Variants in TFDP1 observed in about 807,000 individuals in gnomAD.
TFDP1 encodes DRTF1-polypeptide 1.
TFDP1 carries 6 observed loss-of-function variants against 48.0 expected under a neutral mutation model. That is an observed-to-expected ratio of 0.13 (90% CI 0.07 to 0.25). The LOEUF is 0.25. Among genes scored for constraint, TFDP1 ranks in the 10% least tolerant of loss-of-function variants. The pLI is 1.00. For synonymous variants in TFDP1, 201 were observed against 211.6 expected, an observed-to-expected ratio of 0.95 and a Z score of 0.44; for missense variants, 335 against 543.0, an observed-to-expected ratio of 0.62 and a Z score of 3.81.
chr13:113,601,716 C>T (rs9577590), intron 2 of TFDP1, among the ~76,000 whole-genome samples: 1 of 152,102 alleles, frequency 6.6e-6, no homozygotes, highest in Non-Finnish European at 1.5e-5. Flanking sequence ...TGGCCAGGTG[C>T]GCGGAAGGTG....
At position 113,607,767 on chromosome 13, in the gene TFDP1, G is replaced by A. The variant is rs377007449; in HGVS notation, c.13-3229G>A. On this transcript the variant is annotated intron_variant, in intron 2 of 11. Transcript: ENST00000375370. This position sits in a 1 kb window ranked among gnomAD's most constrained non-coding sequence, Gnocchi z 5.2. ...GGCTGTGCCAGTGGGTGGCGGTGAC[G>A]GGGGCCAGTGGTTTCCTGGACCTGG... is the stretch of plus-strand genomic sequence containing the variant. 1.3e-5 allele frequency among the ~76,000 whole-genome samples: 2 copies of A among 152,150 alleles called. No individual in the cohort carries two copies. Among genetic ancestry groups the A allele is most frequent in the African/African-American group, 2.4e-5 (1 of 41,438 alleles).
chr13:113,636,171 T>C, intron 9 of TFDP1, 43 bp downstream of exon 9: 1 of 1,606,324 alleles, frequency 6.2e-7, no homozygotes, highest in Non-Finnish European at 8.5e-7. Context: ...ACCCATCTCT[T>C]TTTTAGGGAG....
At chr13:113,614,809 G>T (rs188112264) in intron 3 of TFDP1, among the ~76,000 whole-genome samples, 105 of 152,364 alleles carry the variant, frequency 6.9e-4, no homozygotes, top group Non-Finnish European at 7.3e-5. Context: ...CCATAGTGGG[G>T]CCGTCAGGGC....
At chr13:113,604,512 T>G (rs1388253266) in intron 2 of TFDP1, among the ~76,000 whole-genome samples, 1 of 152,160 alleles carries the variant, frequency 6.6e-6, no homozygotes, top group East Asian at 1.9e-4. Context: ...CCTATTCAGG[T>G]GCTGAGTTTG....
intron 4 of TFDP1, among the ~76,000 whole-genome samples, chr13:113,630,442 C>T (rs567072291): frequency 1.1e-4 from 16 of 152,086 alleles, no homozygotes; most frequent in Non-Finnish European, 8.8e-5. Flanking sequence ...TCAGCTGCTC[C>T]CAGGGCCACC....
chr13:113,637,173 T>C lies in TFDP1; in HGVS notation c.1006+473T>C, dbSNP rs41288606. On this transcript the variant is annotated intron_variant, in intron 10 of 11. Coordinates refer to ENST00000375370, the MANE Select transcript of TFDP1 (RefSeq NM_007111.5). ...AGGAGCTTTTGTTGAAGGAGCTTTT[T>C]TTCTGTTCTGGTGAATTCTTTCCTT... 7.5e-3 allele frequency: 1,318 copies of C among 175,728 alleles called. 6 individuals carry two copies. The highest frequency in any genetic ancestry group is 0.013 in the Non-Finnish European group (1,073 of 82,450). The allele number at this position is 175,728 out of a possible 1,614,324, so 10.9% of individuals were successfully genotyped here. A position where few individuals can be genotyped will look rare whatever the true frequency, so the allele number is the denominator to read the frequency against.
At position 113,611,741 on chromosome 13, in the gene TFDP1, C is replaced by T. The variant is rs549613722; in HGVS notation, c.79+679C>T. Among the ~76,000 whole-genome samples the T allele has an allele frequency of 4.6e-5, 7 of 152,318 alleles. No individual in the cohort carries two copies. In the East Asian group the frequency reaches 9.6e-4, roughly 21 times the overall value. ...CACGCCATTTAGAAGCTTTGATGTG[C>T]GATGCTTGGCCCCTCGTGAGAGGCT... On this transcript the variant is annotated intron_variant, in intron 3 of 11. Transcript: ENST00000375370.
intron 2 of TFDP1, among the ~76,000 whole-genome samples, chr13:113,603,817 AG>A (rs2048498847): frequency 6.6e-6 from 1 of 152,184 alleles, no homozygotes; most frequent in Non-Finnish European, 1.5e-5. Context: ...ACTGGCAGGT[AG>A]GGTTGCATCT....
At position 113,598,146 on chromosome 13, in the gene TFDP1, T is replaced by G. The variant is rs1445976857; in HGVS notation, c.12+12297T>G. Among the ~76,000 whole-genome samples the G allele has an allele frequency of 6.6e-6, 1 of 152,076 alleles. No homozygotes were observed. Among genetic ancestry groups the G allele is most frequent in the South Asian group, 2.1e-4 (1 of 4,822 alleles). On this transcript the variant is annotated intron_variant, in intron 2 of 11. Coordinates refer to ENST00000375370, the MANE Select transcript of TFDP1 (RefSeq NM_007111.5). The surrounding 1 kb of genome is among the most constrained non-coding windows in gnomAD (Gnocchi z 4.2). ...GGTGCCTGGCCAAGTTCCCGTCTGG[T>G]CCCTCTACTCCCCACCACCCCAGCC...
chr13:113,636,150 GT>G (rs567929231), intron 9 of TFDP1, 22 bp downstream of exon 9: 1 of 1,612,442 alleles, frequency 6.2e-7, no homozygotes, highest in Non-Finnish European at 8.5e-7. Flanking sequence ...GCGGGGAGCT[GT>G]TCCCTGGTCA....
rs567690460 is a variant in TFDP1, at chr13:113,627,268, G to T, written c.186+3982G>T. The stretch of plus-strand genomic sequence containing the variant: ...TCAAGGTCAGGGTCTTTTGAGGTGC[G>T]GATGCTTGTGAAGCCTGTGGTGCTG... On this transcript the variant is annotated intron_variant, in intron 4 of 11. Coordinates refer to ENST00000375370, the MANE Select transcript of TFDP1 (RefSeq NM_007111.5). The surrounding 1 kb of genome is among the most constrained non-coding windows in gnomAD (Gnocchi z 4.1). Among the ~76,000 whole-genome samples the T allele has an allele frequency of 6.6e-6, 1 of 152,160 alleles. No homozygotes were observed. Among genetic ancestry groups the T allele is most frequent in the Non-Finnish European group, 1.5e-5 (1 of 68,028 alleles).
At chr13:113,622,232 G>A (rs1268367065) in intron 3 of TFDP1, among the ~76,000 whole-genome samples, 2 of 152,204 alleles carry the variant, frequency 1.3e-5, no homozygotes, top group Non-Finnish European at 2.9e-5. Flanking sequence ...TGGTGGTAGT[G>A]GTCCCCCGGG....
chr13:113,588,003 G>A (rs566721221), intron 2 of TFDP1, among the ~76,000 whole-genome samples: 8 of 152,116 alleles, frequency 5.3e-5, no homozygotes, highest in African/African-American at 1.2e-4. Context: ...TTACAGGCGC[G>A]CCACCACACC....
chr13:113,629,747 AAGTTCCTCGTTGTAAGTC>A (rs377599529), intron 4 of TFDP1, among the ~76,000 whole-genome samples: 3,296 of 151,414 alleles, frequency 0.022, 121 homozygotes, highest in African/African-American at 0.077. Context: ...TGTTCCTTGT[AAGTTCCTCGTTGTAAGTC>A]AGTTCCTCGT....
chr13:113,634,728 A>G, intron 8 of TFDP1, 126 bp downstream of exon 8: 1 of 718,910 alleles, frequency 1.4e-6, no homozygotes, highest in Non-Finnish European at 2.3e-6. Context: ...TAAGATTCTG[A>G]GTGTGAGTTC....
At chr13:113,615,078 T>C (rs942481024) in intron 3 of TFDP1, among the ~76,000 whole-genome samples, 1 of 152,096 alleles carries the variant, frequency 6.6e-6, no homozygotes, top group Admixed American at 6.5e-5. Flanking sequence ...CCCAGAGAAA[T>C]GCACCAAACT....
chr13:113,610,448 CTG>C (rs1299286161), intron 2 of TFDP1, among the ~76,000 whole-genome samples: 1 of 150,504 alleles, frequency 6.6e-6, no homozygotes, highest in Admixed American at 6.6e-5. Context: ...TGTGCCCCCG[CTG>C]TGTGGCTGTG....
rs550833338 is a variant in TFDP1 at position 113,605,840 on chromosome 13, GCAGTGGTGAGTGTCCGCAGGGGATC to G, written c.13-5154_13-5130del. ...GCAGGGGATCCTGTGGGAAAGCAGC[GCAGTGGTGAGTGTCCGCAGGGGATC>G]CTGTGGGAAGGCGGTGCGGTGATGA... On this transcript the variant is annotated intron_variant, in intron 2 of 11. Coordinates refer to ENST00000375370, the MANE Select transcript of TFDP1 (RefSeq NM_007111.5). Among the ~76,000 whole-genome samples the G allele has an allele frequency of 3.4e-4, 51 of 152,106 alleles. 1 individual carries two copies. The highest frequency in any genetic ancestry group is 1.2e-3 in the African/African-American group (51 of 41,460).
chr13:113,634,588 G>A lies in TFDP1; in HGVS notation c.673G>A (p.Glu225Lys). ...RIKQKQSQLQ[E>K]LILQQIAFKN... ...AAAACAGAAACAGTCTCAACTTCAA[G>A]AACTTATTCTACAGGTAAGAGAATA... Residue 225 changes from glutamate to lysine, a missense_variant, in exon 8 of 12, where the codon GAA becomes AAA. Glu to Lys is a moderately conservative substitution (Grantham distance 56). Coordinates refer to ENST00000375370, the MANE Select transcript of TFDP1 (RefSeq NM_007111.5). 6.2e-7 allele frequency: 1 copy of A among 1,612,588 alleles called. No individual in the cohort carries two copies. The highest frequency in any genetic ancestry group is 8.5e-7 in the Non-Finnish European group (1 of 1,179,362).
Sources: allele counts gnomAD v4.1 joint callset (sites outside exome capture counted in the v4.1 genomes callset), GRCh38; gene constraint gnomAD v4.1.1; non-coding constraint Gnocchi (gnomAD v3.1); transcripts MANE v1.5; gene names NCBI Gene and HGNC (gene_info 2026-07-23, HGNC 2026-07-21).